NAALADL2: variants seen among roughly 807,000 people sequenced by gnomAD.
The protein encoded by NAALADL2 is N-acetylated alpha-linked acidic dipeptidase like 2.
In NAALADL2, 76 loss-of-function variants were observed where a neutral mutation model predicts 87.2. The ratio of observed to expected loss-of-function variants is 0.87; its 90% CI spans 0.72 to 1.05. The LOEUF (loss-of-function observed/expected upper bound fraction) is 1.05. Ranked by LOEUF, NAALADL2 falls within the 50% of genes least tolerant of loss-of-function variation. The pLI is 0.00. For synonymous variants in NAALADL2, 354 were observed against 331.0 expected, an observed-to-expected ratio of 1.07 and a Z score of -0.75; for missense variants, 1,089 against 945.8, an observed-to-expected ratio of 1.15 and a Z score of -1.99.
chr3:175,555,302 A>C (rs1715079118), intron 9 of NAALADL2, among the ~76,000 whole-genome samples: 1 of 152,214 alleles, frequency 6.6e-6, no homozygotes, highest in Admixed American at 6.5e-5. Context: ...GAATCTTCTA[A>C]TTAGCAATTC....
chr3:174,596,363 A>G (rs1456904498), intron 2 of NAALADL2, among the ~76,000 whole-genome samples: 1 of 152,094 alleles, frequency 6.6e-6, no homozygotes, highest in Non-Finnish European at 1.5e-5. Context: ...AATTTTATAT[A>G]TATTATTGAC....
chr3:175,566,277 A>C (rs1291047861), intron 9 of NAALADL2, among the ~76,000 whole-genome samples: 2 of 152,214 alleles, frequency 1.3e-5, no homozygotes, highest in Non-Finnish European at 2.9e-5. Context: ...AGAAATACAA[A>C]AGTAATAAGC....
intron 13 of NAALADL2, among the ~76,000 whole-genome samples, chr3:175,776,745 G>A (rs1393191391): frequency 6.6e-6 from 1 of 152,052 alleles, no homozygotes; most frequent in East Asian, 1.9e-4. Context: ...TCTATCAAAA[G>A]GGGCAGACAT....
chr3:174,975,262 A>G (rs964285640), intron 1 of NAALADL2, among the ~76,000 whole-genome samples: 8 of 152,174 alleles, frequency 5.3e-5, no homozygotes, highest in Admixed American at 2.0e-4. Context: ...TAGATTAATA[A>G]TGATTCTTGA....
chr3:175,460,267 A>G (rs1055332379), intron 6 of NAALADL2: 5 of 448,778 alleles, frequency 1.1e-5, no homozygotes, highest in African/African-American at 2.0e-5. Context: ...GTGAAAATAA[A>G]CAGACTCTAT....
At chr3:175,756,915 A>T in intron 13 of NAALADL2, among the ~76,000 whole-genome samples, 1 of 151,676 alleles carries the variant, frequency 6.6e-6, no homozygotes, top group Non-Finnish European at 1.5e-5. Flanking sequence ...ATACATATAT[A>T]ATATGTGTAT....
intron 3 of NAALADL2, among the ~76,000 whole-genome samples, chr3:175,252,280 T>C (rs1470831748): frequency 6.6e-6 from 1 of 152,224 alleles, no homozygotes; most frequent in African/African-American, 2.4e-5. Context: ...TATGTCACTT[T>C]TTGATAATTC....
chr3:175,692,731 A>G (rs1011669849), intron 11 of NAALADL2, among the ~76,000 whole-genome samples: 1 of 152,172 alleles, frequency 6.6e-6, no homozygotes, highest in African/African-American at 2.4e-5. Context: ...GATAAAGTGT[A>G]AAAGTGAAAA....
At chr3:175,352,658 A>G (rs964307500) in intron 5 of NAALADL2, among the ~76,000 whole-genome samples, 2 of 152,230 alleles carry the variant, frequency 1.3e-5, no homozygotes, top group African/African-American at 4.8e-5. Context: ...ATAGTAAGCA[A>G]TTTAACAAAG....
intron 9 of NAALADL2, among the ~76,000 whole-genome samples, chr3:175,551,767 A>G (rs1306464273): frequency 1.3e-5 from 2 of 152,044 alleles, no homozygotes; most frequent in Non-Finnish European, 2.9e-5. Context: ...GCATGTTGGC[A>G]GGTGCCTGTA....
intron 1 of NAALADL2, among the ~76,000 whole-genome samples, chr3:174,987,509 C>T (rs1357711592): frequency 8.6e-6 from 1 of 116,008 alleles, no homozygotes; most frequent in Non-Finnish European, 1.6e-5. Flanking sequence ...GCGGAGCTTG[C>T]AGTGAGCCGA....
chr3:174,982,852 C>T (rs891880105), intron 1 of NAALADL2, among the ~76,000 whole-genome samples: 1 of 151,828 alleles, frequency 6.6e-6, no homozygotes, highest in Non-Finnish European at 1.5e-5. Context: ...GGCTGAAGTA[C>T]AGTGGCATGA....
intron 2 of NAALADL2, among the ~76,000 whole-genome samples, chr3:175,140,580 G>C (rs1266932848): frequency 2.0e-5 from 3 of 152,254 alleles, no homozygotes; most frequent in East Asian, 3.9e-4. Flanking sequence ...AGAGTGTTCA[G>C]CACAGAGTGA....
At chr3:175,477,556 C>T (rs1340248283) in intron 9 of NAALADL2, among the ~76,000 whole-genome samples, 3 of 152,196 alleles carry the variant, frequency 2.0e-5, no homozygotes, top group African/African-American at 4.8e-5. Context: ...ACTGTACCTT[C>T]GTTCCTTTGT....
intron 5 of NAALADL2, among the ~76,000 whole-genome samples, chr3:175,381,173 C>T (rs895545186): frequency 2.0e-4 from 31 of 151,810 alleles, no homozygotes; most frequent in African/African-American, 7.0e-4. Flanking sequence ...AAACTTTCTA[C>T]AGTTATTATG....
chr3:175,029,273 G>A (rs1332040894), intron 1 of NAALADL2, among the ~76,000 whole-genome samples: 1 of 151,908 alleles, frequency 6.6e-6, no homozygotes, highest in African/African-American at 2.4e-5. Context: ...TCTCTCTTGT[G>A]CCCAACTGCT....
Position 175,503,986 on chromosome 3 carries a change from C to T in NAALADL2, c.1653+32228C>T, listed in dbSNP as rs138747857. Among the ~76,000 whole-genome samples, 410 of 152,198 alleles carry T rather than the reference C, an allele frequency of 2.7e-3. 2 individuals are homozygous for T. The highest frequency in any genetic ancestry group is 9.4e-3 in the African/African-American group (391 of 41,530). On this transcript the variant is annotated intron_variant, in intron 9 of 13. Coordinates refer to ENST00000454872, the MANE Select transcript of NAALADL2 (RefSeq NM_207015.3). The stretch of plus-strand genomic sequence containing the variant: ...TTCTTCCAATTGCTGTTGGTGTCTT[C>T]GTCACGAAATTTTTGCCAGGTCCTA...
intron 13 of NAALADL2, among the ~76,000 whole-genome samples, chr3:175,755,678 T>G (rs1329262825): frequency 6.6e-6 from 1 of 151,030 alleles, no homozygotes; most frequent in East Asian, 1.9e-4. Flanking sequence ...TCAAATATGA[T>G]ATGGCCAATG....
intron 4 of NAALADL2, among the ~76,000 whole-genome samples, chr3:175,321,447 C>G (rs12495404): frequency 0.24 from 23,855 of 98,296 alleles, 3,629 homozygotes; most frequent in African/African-American, 0.35. Context: ...TGCCCTCTCT[C>G]ACCACTCCTA....
Sources: allele counts gnomAD v4.1 joint callset (sites outside exome capture counted in the v4.1 genomes callset), GRCh38; gene constraint gnomAD v4.1.1; transcripts MANE v1.5; gene names NCBI Gene and HGNC (gene_info 2026-07-23, HGNC 2026-07-21).